ATXN1L: variants seen among roughly 807,000 people sequenced by gnomAD.
ATXN1L encodes ataxin-1-like.
A neutral mutation model predicts 43.4 loss-of-function variants in ATXN1L; 8 were observed. That is an observed-to-expected ratio of 0.18 (90% CI 0.11 to 0.33). The LOEUF (loss-of-function observed/expected upper bound fraction) is 0.33, where lower values mean the gene tolerates loss of function less well. ATXN1L is among the 10% of genes least tolerant of loss of function. The pLI is 1.00. For synonymous variants in ATXN1L, 379 were observed against 360.6 expected (o/e 1.05, Z -0.58); for missense variants, 856 against 885.4 (o/e 0.97, Z 0.42).
chr16:71,846,986 A>C (rs537322306), intron 1 of ATXN1L, among the ~76,000 whole-genome samples: 1 of 152,258 alleles, frequency 6.6e-6, no homozygotes, highest in Non-Finnish European at 1.5e-5. Context: ...TTCAGTTATT[A>C]AAGCTGCTGG....
In ATXN1L at chr16:71,851,267, G is replaced by T; in HGVS notation, c.1527G>T (p.Thr509=). 4 of 1,551,666 alleles carry T rather than the reference G, an allele frequency of 2.6e-6. No homozygotes were observed. Among genetic ancestry groups the T allele is most frequent in the Non-Finnish European group, 3.5e-6 (4 of 1,146,986 alleles). The part of the protein sequence containing the change: ...VSGGLKIDSS[T]VVDIQESQWP... ...GGGGGCTGAAGATTGACTCTAGCACGGTCGTGGACATTCAGGAGAGCCAAT... is the reference window on the plus strand; with the variant it reads ...GGGGGCTGAAGATTGACTCTAGCACTGTCGTGGACATTCAGGAGAGCCAAT... The change falls in exon 3 of 3, where the codon ACG becomes ACT. Residue 509 remains threonine (T), a synonymous_variant. Transcript: ENST00000427980. This position sits in a 1 kb window ranked among gnomAD's most constrained non-coding sequence, Gnocchi z 4.9.
chr16:71,850,159 T>C lies in ATXN1L; in HGVS notation c.419T>C (p.Ile140Thr), dbSNP rs528462230. 6.1e-5 allele frequency: 94 copies of C among 1,551,794 alleles called. 2 individuals carry two copies. The Admixed American group carries it at 1.4e-3, about 22-fold the overall frequency. Residue 140 changes from isoleucine (I) to threonine (T), a missense_variant, in exon 3 of 3, where the codon ATT becomes ACT. This residue lies in a region of ATXN1L where 490 missense variants were observed against 449.4 expected (regional missense o/e 1.09). Transcript: ENST00000427980. ...CTCCCATCCACCTCGCTGCAGTTCA[T>C]TGGGTCTCCTTATAGCCTTCCCTAT... ...AQLPSTSLQF[I>T]GSPYSLPYAV...
chr16:71,850,372 T>C lies in ATXN1L; in HGVS notation c.632T>C (p.Leu211Ser). Residue 211 changes from leucine (L) to serine (S), a missense_variant, in exon 3 of 3, where the codon TTG becomes TCG. Physicochemically the swap from Leu to Ser is moderately radical, Grantham distance 145 (BLOSUM62 -2). Transcript: ENST00000427980. Reference protein sequence around the residue: ...APSATSPSGQLPHHSSTQPLD... With the variant: ...APSATSPSGQSPHHSSTQPLD... ...TCTGCCACCTCCCCATCTGGGCAAT[T>C]GCCACATCATTCAAGTACTCAGCCG... 1 of 1,551,670 alleles carries C rather than the reference T, an allele frequency of 6.4e-7. No individual in the cohort carries two copies. The highest frequency in any genetic ancestry group is 8.7e-7 in the Non-Finnish European group (1 of 1,146,994).
chr16:71,850,720 A>G lies in ATXN1L; in HGVS notation c.980A>G (p.His327Arg), dbSNP rs1265671288. 1.3e-6 allele frequency: 2 copies of G among 1,551,678 alleles called. No homozygotes were observed. The highest frequency in any genetic ancestry group is 1.7e-6 in the Non-Finnish European group (2 of 1,146,984). Residue 327 changes from histidine (H) to arginine (R), a missense_variant, in exon 3 of 3, where the codon CAC becomes CGC. Physicochemically the swap from His to Arg is conservative, Grantham distance 29. Around this residue, in one of 7 missense-constraint regions of ATXN1L, gnomAD observed 490 missense variants for 449.4 expected, o/e 1.09. Coordinates refer to ENST00000427980, the MANE Select transcript of ATXN1L (RefSeq NM_001137675.4). Reference protein sequence around the residue: ...TPRVEVAAPAHRGTPDTDLEV... With the variant: ...TPRVEVAAPARRGTPDTDLEV... Reference sequence around the variant, plus strand: ...CGGGTAGAGGTAGCAGCACCAGCACACCGGGGGACCCCGGACACTGACCTT... The same window carrying G: ...CGGGTAGAGGTAGCAGCACCAGCACGCCGGGGGACCCCGGACACTGACCTT...
At position 71,851,594 on chromosome 16, in the gene ATXN1L, A is replaced by G. The variant is rs563122883; in HGVS notation, c.1854A>G (p.Leu618=). The part of the protein sequence containing the change: ...PERTVLGSRE[L]CDSEGKSQPA... ...GGACGGTCTTGGGATCCAGAGAGCT[A>G]TGTGACAGTGAGGGGAAGAGCCAGC... The change falls in exon 3 of 3, where the codon CTA becomes CTG. Residue 618 remains leucine (L), a synonymous_variant. Coordinates refer to ENST00000427980, the MANE Select transcript of ATXN1L (RefSeq NM_001137675.4). This position sits in a 1 kb window ranked among gnomAD's most constrained non-coding sequence, Gnocchi z 4.9. 2.6e-6 allele frequency: 4 copies of G among 1,547,204 alleles called. No individual in the cohort carries two copies. Among genetic ancestry groups the G allele is most frequent in the Non-Finnish European group, 2.6e-6 (3 of 1,144,032 alleles).
In ATXN1L at chr16:71,850,455, G is replaced by T; in HGVS notation, c.715G>T (p.Gly239Trp). 6.4e-7 allele frequency: 1 copy of T among 1,551,712 alleles called. No homozygotes were observed. The highest frequency in any genetic ancestry group is 1.2e-5 in the South Asian group (1 of 84,068). ...IYYQMSRLPA[G>W]YTLHETPPAG... ...TTATCAGATGTCCAGGCTACCTGCT[G>T]GGTATACTTTGCATGAAACCCCTCC... The change falls in exon 3 of 3, where the codon GGG (glycine) becomes TGG (tryptophan). Residue 239 changes from glycine (G) to tryptophan (W), a missense_variant. This residue lies in a region of ATXN1L where 490 missense variants were observed against 449.4 expected (regional missense o/e 1.09). Transcript: ENST00000427980.
rs1173828076 is a variant in ATXN1L at position 71,855,952 on chromosome 16, C to T, written c.*4142C>T. On this transcript the variant is annotated 3_prime_UTR_variant, in exon 3 of 3. Transcript: ENST00000427980. ...AGCTTTCCTGGGGTAGGGAAGGTCTCCCACATTATGCAATAATAAAATAAG... is the reference window on the plus strand; with the variant it reads ...AGCTTTCCTGGGGTAGGGAAGGTCTTCCACATTATGCAATAATAAAATAAG... The T allele has an allele frequency of 6.0e-6, 1 of 167,044 alleles. No homozygotes were observed. The highest frequency in any genetic ancestry group is 2.4e-5 in the African/African-American group (1 of 41,440). 10.3% of individuals were successfully genotyped at this position (167,044 alleles called of 1,614,324 possible). A position where few individuals can be genotyped will look rare whatever the true frequency, so the allele number is the denominator to read the frequency against.
At position 71,853,888 on chromosome 16, in the gene ATXN1L, A is replaced by G. The variant is rs2033529018; in HGVS notation, c.*2078A>G. The stretch of plus-strand genomic sequence containing the variant: ...TGGTTTGTGTCAGAACCAGACGCCA[A>G]CTTTGTACTGCATTTGGGATCATAT... On this transcript the variant is annotated 3_prime_UTR_variant, in exon 3 of 3. Transcript: ENST00000427980. 1 of 167,110 alleles carries G rather than the reference A, an allele frequency of 6.0e-6. No homozygotes were observed. Among genetic ancestry groups the G allele is most frequent in the Admixed American group, 6.5e-5 (1 of 15,278 alleles). 10.4% of individuals were successfully genotyped at this position (167,110 alleles called of 1,614,324 possible).
chr16:71,850,179 C>T lies in ATXN1L; in HGVS notation c.439C>T (p.Pro147Ser), dbSNP rs909118642. Residue 147 changes from proline to serine, a missense_variant, in exon 3 of 3, where the codon CCC (proline) becomes TCC (serine). Pro to Ser is a moderately conservative substitution (Grantham distance 74). Coordinates refer to ENST00000427980, the MANE Select transcript of ATXN1L (RefSeq NM_001137675.4). The stretch of plus-strand genomic sequence containing the variant: ...GTTCATTGGGTCTCCTTATAGCCTT[C>T]CCTATGCTGTGCCACCTAATTTCCT... ...LQFIGSPYSL[P>S]YAVPPNFLPS... 34 of 1,551,774 alleles carry T rather than the reference C, an allele frequency of 2.2e-5. No homozygotes were observed. Among genetic ancestry groups the T allele is most frequent in the Non-Finnish European group, 3.0e-5 (34 of 1,146,998 alleles).
In ATXN1L at chr16:71,851,351, C is replaced by T. The variant is rs56111969; in HGVS notation, c.1611C>T (p.Ile537=). 4.8e-5 allele frequency: 74 copies of T among 1,551,540 alleles called. No individual in the cohort carries two copies. Among genetic ancestry groups the T allele is most frequent in the Middle Eastern group, 1.7e-4 (1 of 6,014 alleles). Reference sequence around the variant, plus strand: ...GTGAGCAGCAGAGCAAAGTGAGCATCGAAGTGCCCCCCGAGCACCCCTTCT... The same window carrying T: ...GTGAGCAGCAGAGCAAAGTGAGCATTGAAGTGCCCCCCGAGCACCCCTTCT... The part of the protein sequence containing the change: ...VVGEQQSKVS[I]EVPPEHPFFV... The change falls in exon 3 of 3, where the codon ATC becomes ATT. Residue 537 remains isoleucine, a synonymous_variant. Transcript: ENST00000427980. The surrounding 1 kb of genome is among the most constrained non-coding windows in gnomAD (Gnocchi z 4.9).
At chr16:71,847,822 G>T (rs2033458778) in intron 1 of ATXN1L, among the ~76,000 whole-genome samples, 188 bp from the exon 2 acceptor site, 2 of 152,146 alleles carry the variant, frequency 1.3e-5, no homozygotes, top group African/African-American at 4.8e-5. Context: ...ACAAGTTGGA[G>T]CATTAGAGGT....
Position 71,851,162 on chromosome 16 carries a change from C to T in ATXN1L, c.1422C>T (p.Ile474=), listed in dbSNP as rs866479417. The T allele has an allele frequency of 2.2e-5, 34 of 1,551,582 alleles. No individual in the cohort carries two copies. In the Middle Eastern group the frequency reaches 6.7e-4, roughly 30 times the overall value. Residue 474 remains isoleucine (I), a synonymous_variant, in exon 3 of 3, where the codon ATC becomes ATT. Coordinates refer to ENST00000427980, the MANE Select transcript of ATXN1L (RefSeq NM_001137675.4). The surrounding 1 kb of genome is among the most constrained non-coding windows in gnomAD (Gnocchi z 4.9). ...CTTCCCATTTCATGAAAGGCGCCAT[C>T]ATCCAGCTGGCTACGGGAGAGCTGA... The part of the protein sequence containing the change: ...HLPSHFMKGA[I]IQLATGELKR...
chr16:71,847,912 G>A (rs548742562), intron 1 of ATXN1L, 98 bp from the exon 2 acceptor site: 82 of 400,590 alleles, frequency 2.0e-4, no homozygotes, highest in South Asian at 1.4e-3. Flanking sequence ...AGGCAAGGAC[G>A]TGTATACTCT....
chr16:71,851,616 C>T lies in ATXN1L; in HGVS notation c.1876C>T (p.Gln626Ter). Residue 626 changes from glutamine (Q) to a stop codon, truncating the protein, a stop_gained, in exon 3 of 3, where the codon CAG (glutamine) becomes TAG (stop). Transcript: ENST00000427980. LOFTEE classifies it high-confidence loss of function. The surrounding 1 kb of genome is among the most constrained non-coding windows in gnomAD (Gnocchi z 4.9). ...GCTATGTGACAGTGAGGGGAAGAGC[C>T]AGCCGGCAGGAGAGGGCTCCCGTGT... Reference protein sequence around the residue: ...RELCDSEGKSQPAGEGSRVVE... With the variant: ...RELCDSEGKS 6.5e-7 allele frequency: 1 copy of T among 1,540,518 alleles called. No homozygotes were observed. The highest frequency in any genetic ancestry group is 8.8e-7 in the Non-Finnish European group (1 of 1,138,506).
chr16:71,847,161 A>G (rs1012539913), intron 1 of ATXN1L, among the ~76,000 whole-genome samples: 3 of 152,248 alleles, frequency 2.0e-5, no homozygotes, highest in African/African-American at 4.8e-5. Flanking sequence ...TGAGGCTTAG[A>G]GTGTTCTATA....
intron 2 of ATXN1L, 81 bp downstream of exon 2, chr16:71,848,152 A>G (rs1159236531): frequency 1.6e-5 from 7 of 442,170 alleles, no homozygotes; most frequent in Non-Finnish European, 3.2e-5. Flanking sequence ...AATGTAATAT[A>G]GAAAGCTCTT....
In ATXN1L at chr16:71,851,982, C is replaced by A; in HGVS notation, c.*172C>A. The A allele has an allele frequency of 1.4e-6, 1 of 697,244 alleles. No individual in the cohort carries two copies. The highest frequency in any genetic ancestry group is 2.1e-6 in the Non-Finnish European group (1 of 467,246). 43.2% of individuals were successfully genotyped at this position (697,244 alleles called of 1,614,324 possible). A position where few individuals can be genotyped will look rare whatever the true frequency, so the allele number is the denominator to read the frequency against. On this transcript the variant is annotated 3_prime_UTR_variant, in exon 3 of 3. Coordinates refer to ENST00000427980, the MANE Select transcript of ATXN1L (RefSeq NM_001137675.4). This position sits in a 1 kb window ranked among gnomAD's most constrained non-coding sequence, Gnocchi z 4.9. ...CAAGGCAGGATCTGTTGTTCATTAC[C>A]CCATGGCATCCTTTCAGGACAACCC...
rs867851791 is a variant in ATXN1L at position 71,853,034 on chromosome 16, G to C, written c.*1224G>C. On this transcript the variant is annotated 3_prime_UTR_variant, in exon 3 of 3. Coordinates refer to ENST00000427980, the MANE Select transcript of ATXN1L (RefSeq NM_001137675.4). ...TGGGCCAGGGCGAATGCGTGGCTGG[G>C]CAGTGCCCATCATGGCATTTTCACA... The C allele has an allele frequency of 6.0e-6, 1 of 167,246 alleles. No individual in the cohort carries two copies. Among genetic ancestry groups the C allele is most frequent in the South Asian group, 2.1e-4 (1 of 4,830 alleles). 10.4% of individuals were successfully genotyped at this position (167,246 alleles called of 1,614,324 possible).
chr16:71,847,589 C>T (rs1316899482), intron 1 of ATXN1L, among the ~76,000 whole-genome samples: 2 of 151,872 alleles, frequency 1.3e-5, no homozygotes. Context: ...TTTTCATAGG[C>T]CCAGAATAAA....
Sources: allele counts gnomAD v4.1 joint callset (sites outside exome capture counted in the v4.1 genomes callset), GRCh38; gene constraint gnomAD v4.1.1; regional missense constraint gnomAD v4.1.1; non-coding constraint Gnocchi (gnomAD v3.1); transcripts MANE v1.5; gene names NCBI Gene and HGNC (gene_info 2026-07-23, HGNC 2026-07-21).